Variants in STOX2 observed in about 807,000 individuals in gnomAD.
The protein encoded by STOX2 is storkhead-box protein 2.
In STOX2, 28 loss-of-function variants were observed where a neutral mutation model predicts 60.9. The observed-to-expected ratio is 0.46, with a 90% CI of 0.34 to 0.63. STOX2 has a LOEUF of 0.63. Among genes scored for constraint, STOX2 ranks in the 30% least tolerant of loss-of-function variants. The pLI, the probability that STOX2 is intolerant of heterozygous loss-of-function variation, is 0.01. For synonymous variants in STOX2, 472 were observed against 463.9 expected, an observed-to-expected ratio of 1.02 and a Z score of -0.22; for missense variants, 1,024 against 1,187.7, an observed-to-expected ratio of 0.86 and a Z score of 2.03.
chr4:183,848,216 A>G (rs575137138), intron 1 of STOX2, among the ~76,000 whole-genome samples: 19 of 152,300 alleles, frequency 1.2e-4, no homozygotes, highest in African/African-American at 4.6e-4. Flanking sequence ...GTAGTGGCCT[A>G]ATGATGCTGT....
intron 1 of STOX2, among the ~76,000 whole-genome samples, chr4:183,933,130 A>G (rs868859996): frequency 6.6e-6 from 1 of 152,220 alleles, no homozygotes; most frequent in Non-Finnish European, 1.5e-5. Flanking sequence ...ATGTGCATCA[A>G]TAGAAAAATT....
At chr4:183,935,171 A>G (rs1435436) in intron 1 of STOX2, among the ~76,000 whole-genome samples, 146,086 of 152,328 alleles carry the variant, frequency 0.96, 70,240 homozygotes, top group East Asian at 1. Flanking sequence ...ACTCCCCAGC[A>G]TGGATGTCCC....
At chr4:183,843,158 A>G (rs537558877) in intron 1 of STOX2, among the ~76,000 whole-genome samples, 7 of 150,708 alleles carry the variant, frequency 4.6e-5, no homozygotes, top group African/African-American at 7.4e-5. Context: ...AAAAAAAAAA[A>G]AAAAAGAAAA....
At chr4:183,807,263 C>T (rs181350512) in intron 1 of STOX2, among the ~76,000 whole-genome samples, 240 of 152,322 alleles carry the variant, frequency 1.6e-3, no homozygotes, top group East Asian at 9.1e-3. Flanking sequence ...TGAACCACCG[C>T]GCCCGGCCTC....
intron 1 of STOX2, among the ~76,000 whole-genome samples, chr4:183,858,597 AGAAGGAAG>A (rs146831784): frequency 5.3e-5 from 8 of 151,968 alleles, no homozygotes; most frequent in Non-Finnish European, 7.4e-5. Context: ...AAAAAGAGAA[AGAAGGAAG>A]GAAGGAAGGA....
At chr4:183,854,353 T>C (rs1440067348) in intron 1 of STOX2, among the ~76,000 whole-genome samples, 2 of 152,234 alleles carry the variant, frequency 1.3e-5, no homozygotes, top group Non-Finnish European at 2.9e-5. Context: ...AATGGTTAGA[T>C]TCTCTGCAGT....
chr4:183,872,737 C>T lies in STOX2; in HGVS notation c.364+74682C>T, dbSNP rs115839048. On this transcript the variant is annotated intron_variant, in intron 1 of 2. Coordinates refer to the STOX2 transcript ENST00000513034. ...TGAGTAAATAAACAAGATAAACCCA[C>T]GTAAATTGATGGCTCTGGTCCTCCT... Among the ~76,000 whole-genome samples the T allele has an allele frequency of 6.0e-3, 914 of 152,114 alleles. 9 individuals are homozygous for T. The highest frequency in any genetic ancestry group is 0.021 in the African/African-American group (867 of 41,490).
intron 1 of STOX2, among the ~76,000 whole-genome samples, chr4:183,857,060 A>G (rs948969575): frequency 2.0e-5 from 3 of 152,150 alleles, no homozygotes; most frequent in African/African-American, 7.2e-5. Context: ...TCCCTTCTCT[A>G]GGGTAATCCT....
At chr4:183,883,382 C>G (rs984803892) in intron 1 of STOX2, among the ~76,000 whole-genome samples, 2 of 150,738 alleles carry the variant, frequency 1.3e-5, no homozygotes, top group Non-Finnish European at 2.9e-5. Flanking sequence ...TGCAGTGGCG[C>G]GATCTCGGCT....
Position 184,019,982 on chromosome 4 carries a change from A to C in STOX2, c.*2698A>C, listed in dbSNP as rs1018329018. On this transcript the variant is annotated 3_prime_UTR_variant, in exon 4 of 4. Coordinates refer to ENST00000308497, the MANE Select transcript of STOX2 (RefSeq NM_020225.3). ...GGGTTTAGCAGCTGAAAGGTTTACAAAACTGAATCTGGTTGAATCTCTGTG... is the reference window on the plus strand; with the variant it reads ...GGGTTTAGCAGCTGAAAGGTTTACACAACTGAATCTGGTTGAATCTCTGTG... 2 of 152,228 alleles carry C rather than the reference A, an allele frequency of 1.3e-5. No individual in the cohort carries two copies. The highest frequency in any genetic ancestry group is 4.8e-5 in the African/African-American group (2 of 41,462). 9.4% of individuals were successfully genotyped at this position (152,228 alleles called of 1,614,324 possible). A position where few individuals can be genotyped will look rare whatever the true frequency, so the allele number is the denominator to read the frequency against.
Position 184,009,108 on chromosome 4 carries a change from A to G in STOX2, c.320-50A>G, listed in dbSNP as rs1734015057. 7.4e-7 allele frequency: 1 copy of G among 1,354,186 alleles called. No homozygotes were observed. 83.9% of individuals were successfully genotyped at this position (1,354,186 alleles called of 1,614,324 possible). On this transcript the variant is annotated intron_variant, in intron 2 of 3. Transcript: ENST00000308497. The surrounding 1 kb of genome is among the most constrained non-coding windows in gnomAD (Gnocchi z 4.0). ...ATAGGATCCTGGAAATCAGGAATCCACATGTTCTGTCTTCATTCTCACAAG... is the reference window on the plus strand; with the variant it reads ...ATAGGATCCTGGAAATCAGGAATCCGCATGTTCTGTCTTCATTCTCACAAG...
chr4:183,887,029 C>T (rs1741099672), intron 1 of STOX2, among the ~76,000 whole-genome samples: 1 of 152,084 alleles, frequency 6.6e-6, no homozygotes. Flanking sequence ...GAGGCTGAAG[C>T]AGGAGGTTTA....
chr4:184,018,461 T>C lies in STOX2; in HGVS notation c.*1177T>C, dbSNP rs1274151333. ...AATAATTTTTGATTAGAAATATACA[T>C]GTGCCCATGTAATAAACAACAGAAT... On this transcript the variant is annotated 3_prime_UTR_variant, in exon 4 of 4. Transcript: ENST00000308497. 2.0e-5 allele frequency: 2 copies of C among 101,774 alleles called. No homozygotes were observed. The highest frequency in any genetic ancestry group is 2.3e-4 in the East Asian group (1 of 4,394). 6.3% of individuals were successfully genotyped at this position (101,774 alleles called of 1,614,324 possible).
At chr4:183,919,226 A>G (rs149901914) in intron 1 of STOX2, among the ~76,000 whole-genome samples, 49 of 152,252 alleles carry the variant, frequency 3.2e-4, no homozygotes, top group African/African-American at 1.2e-3. Flanking sequence ...GTTACACAGA[A>G]TGTTTGTTTG....
chr4:184,008,881 A>G (rs886406902), intron 2 of STOX2, among the ~76,000 whole-genome samples: 3 of 152,238 alleles, frequency 2.0e-5, no homozygotes, highest in African/African-American at 7.2e-5. Context: ...TTCAGGAAAC[A>G]GGAAACAACA....
chr4:184,000,121 AC>A (rs143263871), intron 1 of STOX2, among the ~76,000 whole-genome samples: 1 of 152,158 alleles, frequency 6.6e-6, no homozygotes, highest in African/African-American at 2.4e-5. Context: ...CAGGTATAAA[AC>A]AGGTGGCACC....
chr4:183,904,307 G>A (rs1375115284), upstream of STOX2, among the ~76,000 whole-genome samples: 3 of 152,240 alleles, frequency 2.0e-5, no homozygotes, highest in African/African-American at 7.2e-5. Flanking sequence ...TATCTGTGGG[G>A]TAGGTAAATA....
intron 1 of STOX2, among the ~76,000 whole-genome samples, chr4:183,900,213 G>A (rs1227584039): frequency 1.3e-5 from 2 of 152,186 alleles, no homozygotes; most frequent in Non-Finnish European, 1.5e-5. Context: ...TCACTGAAGA[G>A]CTCTGATGGG....
chr4:183,885,023 G>A (rs1454579155), intron 1 of STOX2, among the ~76,000 whole-genome samples: 1 of 152,176 alleles, frequency 6.6e-6, no homozygotes, highest in East Asian at 1.9e-4. Flanking sequence ...AGACATGTGA[G>A]CTGAAACTAG....
Sources: gnomAD v4.1 joint callset for allele counts (sites outside exome capture counted in the v4.1 genomes callset) on GRCh38, gnomAD v4.1.1 for gene constraint, Gnocchi (gnomAD v3.1) non-coding constraint, MANE v1.5 for transcripts, NCBI Gene and HGNC (gene_info 2026-07-23, HGNC 2026-07-21) for gene names.